Variants in DTNA observed in about 807,000 individuals in gnomAD.
The protein encoded by DTNA is dystrobrevin alpha.
In DTNA, 43 loss-of-function variants were observed where a neutral mutation model predicts 100.7. The ratio of observed to expected loss-of-function variants is 0.43; its 90% confidence interval spans 0.33 to 0.55. The LOEUF is 0.55. Ranked by LOEUF, DTNA falls within the 20% of genes least tolerant of loss-of-function variation. DTNA has a pLI of 0.04. For synonymous variants in DTNA, 349 were observed against 347.9 expected, an observed-to-expected ratio of 1.00 and a Z score of -0.04; for missense variants, 798 against 953.9, an observed-to-expected ratio of 0.84 and a Z score of 2.15.
chr18:34,840,907 A>C (rs2096255318), intron 13 of DTNA, among the ~76,000 whole-genome samples: 1 of 152,100 alleles, frequency 6.6e-6, no homozygotes, highest in Admixed American at 6.6e-5. Flanking sequence ...TGGTTCTATA[A>C]GTAATGTAAT....
intron 1 of DTNA, among the ~76,000 whole-genome samples, chr18:34,680,960 C>T (rs1424129685): frequency 6.6e-6 from 1 of 152,112 alleles, no homozygotes; most frequent in Non-Finnish European, 1.5e-5. Flanking sequence ...TCCCCTCCTA[C>T]ATGTTACCTC....
At chr18:34,867,539 A>G in intron 17 of DTNA, 3 of 1,143,554 alleles carry the variant, frequency 2.6e-6, no homozygotes, top group Non-Finnish European at 3.2e-6. Flanking sequence ...TTCTCTGCAA[A>G]TGGCTTCTTT....
chr18:34,561,868 A>T (rs992415814), intron 1 of DTNA, among the ~76,000 whole-genome samples: 3 of 152,196 alleles, frequency 2.0e-5, no homozygotes, highest in African/African-American at 7.2e-5. Context: ...AATAAATTTC[A>T]TTTTTGAAAC....
chr18:34,866,351 T>G, intron 17 of DTNA: 2 of 1,418,716 alleles, frequency 1.4e-6, no homozygotes, highest in Non-Finnish European at 9.2e-7. Flanking sequence ...AAAGAAGAAC[T>G]ATGACATCTT....
intron 1 of DTNA, among the ~76,000 whole-genome samples, chr18:34,676,961 C>A (rs2077472293): frequency 6.6e-6 from 1 of 152,180 alleles, no homozygotes; most frequent in Non-Finnish European, 1.5e-5. Context: ...GCCTTTAATT[C>A]ACTAGCAGCT....
At chr18:34,754,613 GT>G (rs2092643699) in intron 1 of DTNA, among the ~76,000 whole-genome samples, 1 of 152,082 alleles carries the variant, frequency 6.6e-6, no homozygotes, top group Non-Finnish European at 1.5e-5. Context: ...GTAAAGGCTT[GT>G]TTTGTTTCCA....
At chr18:34,582,060 C>T (rs1264901742) in intron 1 of DTNA, among the ~76,000 whole-genome samples, 1 of 152,126 alleles carries the variant, frequency 6.6e-6, no homozygotes, top group African/African-American at 2.4e-5. Context: ...ATATGTGTAT[C>T]TTCATAATGA....
At chr18:34,768,263 A>G (rs2093591545) in intron 3 of DTNA, among the ~76,000 whole-genome samples, 1 of 152,128 alleles carries the variant, frequency 6.6e-6, no homozygotes, top group South Asian at 2.1e-4. Context: ...CAGGAGAGCT[A>G]GAGATTTCCA....
intron 5 of DTNA, among the ~76,000 whole-genome samples, chr18:34,809,620 A>G (rs2095441504): frequency 6.6e-6 from 1 of 152,200 alleles, no homozygotes; most frequent in Non-Finnish European, 1.5e-5. Flanking sequence ...CCAAAATGCC[A>G]GCTGTGCTTG....
At chr18:34,877,889 T>G in intron 19 of DTNA, 81 bp downstream of exon 19, 2 of 1,172,436 alleles carry the variant, frequency 1.7e-6, no homozygotes, top group Non-Finnish European at 2.5e-6. Context: ...AGAGATCTGC[T>G]TATTGTCTAA....
intron 1 of DTNA, among the ~76,000 whole-genome samples, chr18:34,632,231 C>A (rs1316062118): frequency 2.0e-5 from 3 of 152,036 alleles, no homozygotes; most frequent in Admixed American, 6.6e-5. Flanking sequence ...TGTATGGTGC[C>A]ACAGACATAA....
At chr18:34,706,557 A>G (rs1176950015), upstream of DTNA, among the ~76,000 whole-genome samples, 1 of 152,196 alleles carries the variant, frequency 6.6e-6, no homozygotes, top group Non-Finnish European at 1.5e-5. Flanking sequence ...ATGATATGGC[A>G]AAATGATTCA....
At chr18:34,695,117 CT>C (rs2080331665) in intron 1 of DTNA, among the ~76,000 whole-genome samples, 1 of 152,168 alleles carries the variant, frequency 6.6e-6, no homozygotes, top group Non-Finnish European at 1.5e-5. Context: ...CCATTCTCTC[CT>C]GGATTCTCCC....
intron 16 of DTNA, among the ~76,000 whole-genome samples, chr18:34,861,017 T>A (rs571982360): frequency 6.6e-6 from 1 of 152,272 alleles, no homozygotes; most frequent in Non-Finnish European, 1.5e-5. Flanking sequence ...AATTTTTTCT[T>A]AGAAAAAAAT....
At chr18:34,789,951 TCA>T (rs2148958759) in intron 3 of DTNA, among the ~76,000 whole-genome samples, 2 of 152,338 alleles carry the variant, frequency 1.3e-5, no homozygotes, top group Admixed American at 1.3e-4. Flanking sequence ...GATGCTATTT[TCA>T]GTTCCACTTT....
At chr18:34,560,238 C>T (rs1461155819) in intron 1 of DTNA, among the ~76,000 whole-genome samples, 1 of 152,154 alleles carries the variant, frequency 6.6e-6, no homozygotes, top group Non-Finnish European at 1.5e-5. Flanking sequence ...CCACAAACTC[C>T]TTGAGAGCAG....
At chr18:34,500,083 A>G (rs1329714687) in intron 1 of DTNA, among the ~76,000 whole-genome samples, 1 of 152,102 alleles carries the variant, frequency 6.6e-6, no homozygotes, top group Non-Finnish European at 1.5e-5. Context: ...CTTTAGAATT[A>G]TCTTGTCTAT....
intron 8 of DTNA, among the ~76,000 whole-genome samples, chr18:34,818,803 C>G (rs1193883647): frequency 2.6e-5 from 4 of 152,020 alleles, no homozygotes; most frequent in Admixed American, 6.6e-5. Context: ...TAATACTGTT[C>G]CATTTTACTT....
rs970403120 is a variant in DTNA at position 34,745,949 on chromosome 18, C to A, written c.-1-10027C>A. Among the ~76,000 whole-genome samples, 7 of 152,132 alleles carry A rather than the reference C, an allele frequency of 4.6e-5. No individual in the cohort carries two copies. The East Asian group carries it at 1.2e-3, about 25-fold the overall frequency. ...GGGCAGCATCACACCACTTAGCCAG[C>A]TAAATACCTCCTTGTCCTGTTGCAG... On this transcript the variant is annotated intron_variant, in intron 1 of 22. Transcript: ENST00000444659.
Sources: gnomAD v4.1 joint callset for allele counts (sites outside exome capture counted in the v4.1 genomes callset) on GRCh38, gnomAD v4.1.1 for gene constraint, MANE v1.5 for transcripts, NCBI Gene and HGNC (gene_info 2026-07-23, HGNC 2026-07-21) for gene names.